GRM5: variants seen among roughly 807,000 people sequenced by gnomAD.
GRM5 encodes the protein glutamate metabotropic receptor 5.
GRM5 carries 19 observed loss-of-function variants against 83.1 expected under a neutral mutation model. The ratio of observed to expected loss-of-function variants is 0.23; its 90% CI spans 0.16 to 0.34. GRM5 has a LOEUF of 0.34. GRM5 is among the 10% of genes least tolerant of loss of function. The probability of loss-of-function intolerance (pLI) is 1.00; values close to 1 mark genes in which losing one functional copy is unlikely to be tolerated. For synonymous variants in GRM5, 675 were observed against 633.6 expected (o/e 1.07, Z -0.98); for missense variants, 1,160 against 1,588.3 (o/e 0.73, Z 4.58).
intron 2 of GRM5, among the ~76,000 whole-genome samples, chr11:89,002,264 A>C (rs1940405441): frequency 6.6e-6 from 1 of 152,194 alleles, no homozygotes; most frequent in African/African-American, 2.4e-5. Context: ...ACAAAGAGCT[A>C]ACATGCTTTT....
At chr11:88,548,059 G>C (rs1346529738) in intron 8 of GRM5, among the ~76,000 whole-genome samples, 1 of 152,162 alleles carries the variant, frequency 6.6e-6, no homozygotes, top group Non-Finnish European at 1.5e-5. Flanking sequence ...TTGAGAAAAG[G>C]TAGAAAACTT....
At chr11:88,542,257 G>A (rs1423346343) in intron 8 of GRM5, among the ~76,000 whole-genome samples, 1 of 152,094 alleles carries the variant, frequency 6.6e-6, no homozygotes, top group African/African-American at 2.4e-5. Flanking sequence ...AGTTAGATGA[G>A]GCAAAGCCAG....
At chr11:88,630,542 C>T (rs1411427050) in intron 4 of GRM5, among the ~76,000 whole-genome samples, 2 of 11,402 alleles carry the variant, frequency 1.8e-4, no homozygotes, top group African/African-American at 3.4e-4. Flanking sequence ...ATGTAATACA[C>T]ACACACACAC....
chr11:88,541,201 G>T (rs1028408577), intron 8 of GRM5, among the ~76,000 whole-genome samples: 1 of 152,074 alleles, frequency 6.6e-6, no homozygotes, highest in Non-Finnish European at 1.5e-5. Flanking sequence ...CCACACTGCC[G>T]AGTGTCTATC....
chr11:88,630,085 C>G (rs888400115), intron 4 of GRM5, among the ~76,000 whole-genome samples: 1 of 152,170 alleles, frequency 6.6e-6, no homozygotes, highest in Non-Finnish European at 1.5e-5. Context: ...CCCTTAACGA[C>G]TTGGGTCACA....
At chr11:88,633,190 A>G (rs978239075) in intron 4 of GRM5, among the ~76,000 whole-genome samples, 2 of 152,182 alleles carry the variant, frequency 1.3e-5, no homozygotes, top group African/African-American at 4.8e-5. Context: ...AAAAATTAAA[A>G]ATGACTAAAA....
At chr11:88,801,685 G>C (rs1256736365) in intron 3 of GRM5, among the ~76,000 whole-genome samples, 1 of 152,124 alleles carries the variant, frequency 6.6e-6, no homozygotes, top group African/African-American at 2.4e-5. Context: ...TGAGGCATAG[G>C]TGAGAAACCC....
chr11:88,921,472 C>CA (rs374391891), intron 2 of GRM5, among the ~76,000 whole-genome samples: 1 of 151,386 alleles, frequency 6.6e-6, no homozygotes, highest in Non-Finnish European at 1.5e-5. Context: ...AAAACAACAA[C>CA]AAAAAAAATT....
intron 2 of GRM5, among the ~76,000 whole-genome samples, chr11:88,901,690 G>A (rs1193559387): frequency 6.6e-6 from 1 of 152,158 alleles, no homozygotes; most frequent in Admixed American, 6.6e-5. Flanking sequence ...CAGTTTAGGA[G>A]GGAGGCCTAT....
intron 3 of GRM5, among the ~76,000 whole-genome samples, chr11:88,755,240 C>T (rs1364971814): frequency 6.6e-6 from 1 of 151,904 alleles, no homozygotes; most frequent in African/African-American, 2.4e-5. Context: ...TAGCTTCTCC[C>T]AATAGTTTCA....
intron 4 of GRM5, among the ~76,000 whole-genome samples, chr11:88,614,971 C>G (rs116016477): frequency 6.6e-6 from 1 of 152,040 alleles, no homozygotes; most frequent in African/African-American, 2.4e-5. Context: ...CAAATGGCAA[C>G]GATATTGAAT....
Position 89,045,688 on chromosome 11 carries a change from T to C in GRM5, c.661+1524A>G, listed in dbSNP as rs548296424. On this transcript the variant is annotated intron_variant, in intron 2 of 9. Transcript: ENST00000305447. ...ACTAAGAGTTTCACTTGGGGCACAA[T>C]TGAATTAGCACTTGCCACACCGTGA... is the stretch of plus-strand genomic sequence containing the variant. Among the ~76,000 whole-genome samples the C allele has an allele frequency of 9.2e-5, 14 of 152,252 alleles. 1 individual carries two copies. The South Asian group carries it at 1.0e-3, about 11-fold the overall frequency.
Position 88,977,281 on chromosome 11 carries a change from C to A in GRM5, c.661+69931G>T, listed in dbSNP as rs868340203. Among the ~76,000 whole-genome samples, 17 of 152,024 alleles carry A rather than the reference C, an allele frequency of 1.1e-4. 1 individual carries two copies. In the South Asian group the frequency reaches 1.5e-3, roughly 13 times the overall value. On this transcript the variant is annotated intron_variant, in intron 2 of 9. Coordinates refer to ENST00000305447, the MANE Select transcript of GRM5 (RefSeq NM_001143831.3). Reference sequence around the variant, plus strand: ...AGGCTGGACTGCAGTGGCACGATCTCAGCTCACTGCAAGCTCCGATTCCCA... The same window carrying A: ...AGGCTGGACTGCAGTGGCACGATCTAAGCTCACTGCAAGCTCCGATTCCCA...
chr11:88,618,151 C>T (rs1938533526), intron 4 of GRM5, among the ~76,000 whole-genome samples: 3 of 152,120 alleles, frequency 2.0e-5, no homozygotes, highest in African/African-American at 7.2e-5. Flanking sequence ...GAGGCGCAGC[C>T]TAAGAAGGTA....
chr11:88,802,284 C>G (rs1415817259), intron 3 of GRM5, among the ~76,000 whole-genome samples: 2 of 152,008 alleles, frequency 1.3e-5, no homozygotes, highest in African/African-American at 2.4e-5. Context: ...TAGAATCAAC[C>G]TAAGTATCCA....
intron 2 of GRM5, among the ~76,000 whole-genome samples, chr11:88,941,918 G>A (rs1457347837): frequency 1.3e-5 from 2 of 151,910 alleles, no homozygotes; most frequent in Non-Finnish European, 2.9e-5. Flanking sequence ...GCAGGACAAC[G>A]GACCAGGACT....
In GRM5 at chr11:88,634,932, C is replaced by T. The variant is rs544813520; in HGVS notation, c.1147+18236G>A. The stretch of plus-strand genomic sequence containing the variant: ...CAGCGCCATTATAATGTGATGAGAC[C>T]ATTGTTGTATATGTGGACCATCGTT... On this transcript the variant is annotated intron_variant, in intron 4 of 9. Transcript: ENST00000305447. Among the ~76,000 whole-genome samples, 4 of 152,196 alleles carry T rather than the reference C, an allele frequency of 2.6e-5. No individual in the cohort carries two copies. In the South Asian group the frequency reaches 8.3e-4, roughly 32 times the overall value.
At chr11:88,908,768 T>C (rs1199706770) in intron 2 of GRM5, among the ~76,000 whole-genome samples, 2 of 152,148 alleles carry the variant, frequency 1.3e-5, no homozygotes, top group Admixed American at 1.3e-4. Flanking sequence ...TTTTAATATC[T>C]CAGTTCAACC....
chr11:88,679,526 A>G (rs1940423374), intron 3 of GRM5, among the ~76,000 whole-genome samples: 1 of 152,130 alleles, frequency 6.6e-6, no homozygotes. Context: ...CAATCTATCT[A>G]TCCCTCTATC....
Sources: gnomAD v4.1 joint callset for allele counts (sites outside exome capture counted in the v4.1 genomes callset) on GRCh38, gnomAD v4.1.1 for gene constraint, MANE v1.5 for transcripts, NCBI Gene and HGNC (gene_info 2026-07-23, HGNC 2026-07-21) for gene names.